DGKI: variants seen among roughly 807,000 people sequenced by gnomAD.
The protein encoded by DGKI is DAG kinase iota.
A neutral mutation model predicts 147.5 loss-of-function variants in DGKI; 55 were observed. The observed-to-expected ratio is 0.37, with a 90% CI of 0.30 to 0.47. DGKI has a LOEUF of 0.47. DGKI is among the 20% of genes least tolerant of loss of function. The pLI, the probability that DGKI is intolerant of heterozygous loss-of-function variation, is 1.00. For missense variants in DGKI, 1,007 were observed against 1,323.8 expected (o/e 0.76, Z 3.71); for synonymous variants, 469 against 477.1 (o/e 0.98, Z 0.22).
chr7:137,545,251 G>A (rs834059), intron 20 of DGKI, among the ~76,000 whole-genome samples: 33,948 of 152,052 alleles, frequency 0.22, 6,625 homozygotes, highest in African/African-American at 0.52. Context: ...TAAATGCTAG[G>A]TAAGCATATG....
intron 1 of DGKI, among the ~76,000 whole-genome samples, chr7:137,780,107 T>C (rs988104941): frequency 6.6e-6 from 1 of 152,196 alleles, no homozygotes; most frequent in Non-Finnish European, 1.5e-5. Context: ...CCTGTATTCT[T>C]ACAAACACTG....
chr7:137,822,080 A>G (rs1320172150), intron 1 of DGKI, among the ~76,000 whole-genome samples: 1 of 152,202 alleles, frequency 6.6e-6, no homozygotes, highest in Admixed American at 6.5e-5. Context: ...AAGCAGAGAG[A>G]GCAAATGAAA....
chr7:137,467,183 C>T (rs1407126266), intron 24 of DGKI, among the ~76,000 whole-genome samples: 1 of 152,188 alleles, frequency 6.6e-6, no homozygotes, highest in Admixed American at 6.5e-5. Context: ...CTTTAAAGAA[C>T]CAGCTCAAGT....
At chr7:137,642,933 T>TGTGTGTGC (rs1821686115) in intron 6 of DGKI, among the ~76,000 whole-genome samples, 2 of 145,366 alleles carry the variant, frequency 1.4e-5, no homozygotes, top group Non-Finnish European at 3.0e-5. Flanking sequence ...TGGAATAGTG[T>TGTGTGTGC]GTGTGTGTGT....
chr7:137,582,404 A>G (rs1485538762), intron 14 of DGKI, among the ~76,000 whole-genome samples: 1 of 149,692 alleles, frequency 6.7e-6, no homozygotes, highest in Non-Finnish European at 1.5e-5. Flanking sequence ...TTGTTTATCC[A>G]TCACCCATTT....
intron 2 of DGKI, among the ~76,000 whole-genome samples, chr7:137,679,392 G>A (rs751987074): frequency 6.6e-6 from 1 of 150,846 alleles, no homozygotes; most frequent in Non-Finnish European, 1.5e-5. Context: ...TGGGGAAAGG[G>A]GGAAGCAAAC....
chr7:137,794,476 T>C (rs967109694), intron 1 of DGKI, among the ~76,000 whole-genome samples: 3 of 152,246 alleles, frequency 2.0e-5, no homozygotes, highest in African/African-American at 4.8e-5. Context: ...GACAACCACA[T>C]GAAGATGTAA....
intron 1 of DGKI, among the ~76,000 whole-genome samples, chr7:137,702,843 G>A (rs572665417): frequency 1.4e-4 from 22 of 152,228 alleles, no homozygotes; most frequent in South Asian, 2.1e-4. Context: ...TTTCACCAGC[G>A]GCATTTGTTG....
rs147138164 is a variant in DGKI at position 137,399,978 on chromosome 7, C to T, written c.2921-2565G>A. 2.6e-3 allele frequency among the ~76,000 whole-genome samples: 402 copies of T among 151,996 alleles called. 3 individuals are homozygous for T. Among genetic ancestry groups the T allele is most frequent in the African/African-American group, 9.2e-3 (380 of 41,474 alleles). On this transcript the variant is annotated intron_variant, in intron 30 of 32. Transcript: ENST00000614521. ...AGTGTGCTTAAAACAGTGCCTGGCACACCACAGGTACTGCTTCAACTTTAG... is the reference window on the plus strand; with the variant it reads ...AGTGTGCTTAAAACAGTGCCTGGCATACCACAGGTACTGCTTCAACTTTAG...
chr7:137,725,880 G>A (rs892876426), intron 1 of DGKI, among the ~76,000 whole-genome samples: 10 of 152,068 alleles, frequency 6.6e-5, no homozygotes, highest in Non-Finnish European at 1.0e-4. Flanking sequence ...TAGACCCAAC[G>A]TGATTTCTTT....
intron 28 of DGKI, among the ~76,000 whole-genome samples, chr7:137,413,342 A>G (rs1812237283): frequency 6.6e-6 from 1 of 151,596 alleles, no homozygotes; most frequent in Non-Finnish European, 1.5e-5. Flanking sequence ...ACAAGGATAT[A>G]TTGCATGACG....
At chr7:137,414,912 G>A (rs1253133594) in intron 28 of DGKI, among the ~76,000 whole-genome samples, 6 of 152,026 alleles carry the variant, frequency 3.9e-5, no homozygotes, top group African/African-American at 9.7e-5. Context: ...CTCACCTCTC[G>A]GTAGTTAGGA....
intron 1 of DGKI, among the ~76,000 whole-genome samples, chr7:137,783,707 G>A (rs1796587068): frequency 1.3e-5 from 2 of 152,190 alleles, no homozygotes; most frequent in Admixed American, 6.5e-5. Flanking sequence ...AAAGGAAAGA[G>A]TCTTAAGAGC....
intron 1 of DGKI, among the ~76,000 whole-genome samples, chr7:137,691,847 A>G (rs905094344): frequency 1.1e-4 from 12 of 106,752 alleles, no homozygotes; most frequent in Non-Finnish European, 5.6e-5. Flanking sequence ...CTATACAGGA[A>G]GTCCCAGATA....
At position 137,737,105 on chromosome 7, in the gene DGKI, C is replaced by A. The variant is rs537184805; in HGVS notation, c.402-47103G>T. The stretch of plus-strand genomic sequence containing the variant: ...ACGAAATATGACAGTGTTTTAAAAT[C>A]ATAAACATTGAAATACTTAGTTCCC... On this transcript the variant is annotated intron_variant, in intron 1 of 32. Coordinates refer to ENST00000614521, the MANE Select transcript of DGKI (RefSeq NM_001321708.2). Among the ~76,000 whole-genome samples, 6 of 147,224 alleles carry A rather than the reference C, an allele frequency of 4.1e-5. 1 individual carries two copies. The South Asian group carries it at 1.3e-3, about 32-fold the overall frequency.
At chr7:137,600,228 G>T (rs956221687) in intron 10 of DGKI, among the ~76,000 whole-genome samples, 1 of 152,144 alleles carries the variant, frequency 6.6e-6, no homozygotes, top group Non-Finnish European at 1.5e-5. Flanking sequence ...CAGCCTGAGT[G>T]ACAGGAGTGA....
intron 30 of DGKI, 80 bp downstream of exon 30, chr7:137,407,795 T>C: frequency 6.4e-7 from 1 of 1,560,334 alleles, no homozygotes; most frequent in Non-Finnish European, 8.7e-7. Context: ...ACTGCCTGGA[T>C]GAAGGGTAAC....
intron 1 of DGKI, among the ~76,000 whole-genome samples, chr7:137,795,914 A>C (rs1421549372): frequency 6.6e-6 from 1 of 152,240 alleles, no homozygotes; most frequent in Non-Finnish European, 1.5e-5. Flanking sequence ...GATGCTGCAC[A>C]CAACAAAGAA....
chr7:137,720,224 T>C (rs1794503746), intron 1 of DGKI, among the ~76,000 whole-genome samples: 2 of 151,316 alleles, frequency 1.3e-5, no homozygotes, highest in South Asian at 4.2e-4. Context: ...TTCATCAACT[T>C]TAAGGTTTTT....
Sources: gnomAD v4.1 joint callset for allele counts (sites outside exome capture counted in the v4.1 genomes callset) on GRCh38, gnomAD v4.1.1 for gene constraint, MANE v1.5 for transcripts, NCBI Gene and HGNC (gene_info 2026-07-23, HGNC 2026-07-21) for gene names.